BOC: variants seen among roughly 807,000 people sequenced by gnomAD.
BOC encodes BOC cell adhesion associated, oncogene regulated, also known as brother of CDO.
Under a neutral mutation model 112.0 loss-of-function variants are expected in BOC, and 76 were observed. The ratio of observed to expected loss-of-function variants is 0.68; its 90% CI spans 0.56 to 0.82. BOC has a LOEUF of 0.82. Among genes scored for constraint, BOC ranks in the 40% least tolerant of loss-of-function variants. The pLI is 0.00. For synonymous variants in BOC, 580 were observed against 599.8 expected, an observed-to-expected ratio of 0.97 and a Z score of 0.48; for missense variants, 1,309 against 1,511.7, an observed-to-expected ratio of 0.87 and a Z score of 2.22.
Position 113,287,152 on chromosome 3 carries a change from G to A in BOC, c.*290G>A, listed in dbSNP as rs1949765218. The stretch of plus-strand genomic sequence containing the variant: ...CTCCTAACCTGGGGCCTCTGCAGTG[G>A]CAGGCGAGGCTGCAGGAGGCCCACA... On this transcript the variant is annotated 3_prime_UTR_variant, in exon 20 of 20. Transcript: ENST00000682979. 1 of 440,378 alleles carries A rather than the reference G, an allele frequency of 2.3e-6. No individual in the cohort carries two copies. The highest frequency in any genetic ancestry group is 1.7e-5 in the South Asian group (1 of 58,508). The allele number at this position is 440,378 out of a possible 1,614,324, so 27.3% of individuals were successfully genotyped here.
chr3:113,262,980 C>T (rs1947056961), intron 4 of BOC, among the ~76,000 whole-genome samples: 1 of 152,238 alleles, frequency 6.6e-6, no homozygotes, highest in Non-Finnish European at 1.5e-5. Flanking sequence ...GACTTTACTT[C>T]TCCTGCACCT....
At chr3:113,222,300 C>A (rs1172028073) in intron 2 of BOC, among the ~76,000 whole-genome samples, 3 of 151,812 alleles carry the variant, frequency 2.0e-5, no homozygotes, top group Non-Finnish European at 4.4e-5. Context: ...TTCATTTTTG[C>A]TAGTTTGCAG....
In BOC at chr3:113,234,748, GCTC is replaced by G. The variant is rs199900902; in HGVS notation, c.-81-14970_-81-14968del. Among the ~76,000 whole-genome samples the G allele has an allele frequency of 5.7e-3, 866 of 152,282 alleles. 6 individuals are homozygous for G. Among genetic ancestry groups the G allele is most frequent in the African/African-American group, 0.019 (809 of 41,550 alleles). On this transcript the variant is annotated intron_variant, in intron 2 of 19. Transcript: ENST00000682979. ...TTTGGGATTGCCAGCTGTTCTATCT[GCTC>G]CTCTCAGCATGAACACTAAGCAGAG...
rs775233531 is a variant in BOC, at chr3:113,279,335, T to C, written c.1903T>C (p.Phe635Leu). The C allele has an allele frequency of 1.2e-6, 2 of 1,614,002 alleles. No homozygotes were observed. The highest frequency in any genetic ancestry group is 1.7e-6 in the Non-Finnish European group (2 of 1,179,976). ...CTGGATTCCCCGTGGGAATGGTGGG[T>C]TCCCAATCCAGTCCTTCCGTGTGGA... ...VTWIPRGNGGFPIQSFRVEYK... is the reference protein window; with the variant it reads ...VTWIPRGNGGLPIQSFRVEYK... Residue 635 changes from phenylalanine to leucine, a missense_variant, in exon 12 of 20, where the codon TTC becomes CTC. Coordinates refer to ENST00000682979, the MANE Select transcript of BOC (RefSeq NM_001378074.1).
chr3:113,244,053 C>G (rs1398812680), intron 2 of BOC, among the ~76,000 whole-genome samples: 1 of 152,190 alleles, frequency 6.6e-6, no homozygotes. Context: ...AATCTCTTAA[C>G]CGCCATGGCC....
Position 113,224,417 on chromosome 3 carries a change from A to G in BOC, c.-82+8143A>G, listed in dbSNP as rs570997914. ...TGGTGACAGAACCCCCAGGATTCAG[A>G]ACACTCACCAGCCACTCTCAACACA... is the stretch of plus-strand genomic sequence containing the variant. On this transcript the variant is annotated intron_variant, in intron 2 of 19. Coordinates refer to ENST00000682979, the MANE Select transcript of BOC (RefSeq NM_001378074.1). Among the ~76,000 whole-genome samples, 30 of 152,334 alleles carry G rather than the reference A, an allele frequency of 2.0e-4. No homozygotes were observed. In the East Asian group the frequency reaches 3.1e-3, roughly 16 times the overall value.
intron 2 of BOC, among the ~76,000 whole-genome samples, chr3:113,223,019 C>T (rs1160879950): frequency 1.3e-5 from 2 of 152,220 alleles, no homozygotes; most frequent in Non-Finnish European, 2.9e-5. Flanking sequence ...GGGATGTTCA[C>T]CCAGAGGGGG....
rs1948861889 is a variant in BOC at position 113,278,405 on chromosome 3, G to A, written c.1705+148G>A. 2.9e-6 allele frequency: 3 copies of A among 1,038,580 alleles called. No homozygotes were observed. The highest frequency in any genetic ancestry group is 2.4e-5 in the Admixed American group (1 of 41,898). 64.3% of individuals were successfully genotyped at this position (1,038,580 alleles called of 1,614,324 possible). A position where few individuals can be genotyped will look rare whatever the true frequency, so the allele number is the denominator to read the frequency against. Reference sequence around the variant, plus strand: ...CAGCTACTGCCTCCTTGTGGTTTGTGTGCTAGGCTGAGGTCCCAGCTCTCA... The same window carrying A: ...CAGCTACTGCCTCCTTGTGGTTTGTATGCTAGGCTGAGGTCCCAGCTCTCA... On this transcript the variant is annotated intron_variant, in intron 10 of 19. Transcript: ENST00000682979. The surrounding 1 kb of genome is among the most constrained non-coding windows in gnomAD (Gnocchi z 4.2).
At chr3:113,240,935 C>T (rs1009713624) in intron 2 of BOC, among the ~76,000 whole-genome samples, 23 of 152,182 alleles carry the variant, frequency 1.5e-4, no homozygotes, top group African/African-American at 5.1e-4. Context: ...GCGCCTAATG[C>T]CCTTAGCTTG....
At chr3:113,216,967 T>C (rs1939514892) in intron 2 of BOC, among the ~76,000 whole-genome samples, 1 of 152,168 alleles carries the variant, frequency 6.6e-6, no homozygotes, top group Non-Finnish European at 1.5e-5. Flanking sequence ...CAGTGGAAAG[T>C]AGAGCAAAGA....
chr3:113,249,932 C>A (rs369246790), intron 3 of BOC, 33 bp downstream of exon 3: 27 of 1,570,666 alleles, frequency 1.7e-5, no homozygotes, highest in Non-Finnish European at 2.0e-5. Flanking sequence ...CCTGCCCTTA[C>A]AGTCAAATGG....
rs961531783 is a variant in BOC, at chr3:113,258,640, T to C, written c.376+7807T>C. Among the ~76,000 whole-genome samples the C allele has an allele frequency of 2.0e-5, 3 of 152,148 alleles. 1 individual carries two copies. Among genetic ancestry groups the C allele is most frequent in the Non-Finnish European group, 2.9e-5 (2 of 67,992 alleles). ...GATGAAGGGATGGCAGTGAGAAGGGTTGTAGGGAAAGAAAACACAGGTGGC... is the reference window on the plus strand; with the variant it reads ...GATGAAGGGATGGCAGTGAGAAGGGCTGTAGGGAAAGAAAACACAGGTGGC... On this transcript the variant is annotated intron_variant, in intron 4 of 19. Transcript: ENST00000682979.
At chr3:113,221,551 C>A (rs1036707077) in intron 2 of BOC, among the ~76,000 whole-genome samples, 1 of 152,212 alleles carries the variant, frequency 6.6e-6, no homozygotes, top group African/African-American at 2.4e-5. Context: ...TGACTATGTT[C>A]TTTCTCTCAT....
intron 4 of BOC, among the ~76,000 whole-genome samples, chr3:113,267,759 C>T (rs1353486513): frequency 6.6e-6 from 1 of 152,190 alleles, no homozygotes; most frequent in Non-Finnish European, 1.5e-5. Flanking sequence ...CATAGTCTCG[C>T]TCTTTTCGCC....
At chr3:113,271,461 T>C (rs9843707) in intron 6 of BOC, 78,513 of 317,076 alleles carry the variant, frequency 0.25, 10,756 homozygotes, top group African/African-American at 0.4. Context: ...GCTACCTTTC[T>C]GTGCGCTTGC....
At position 113,250,740 on chromosome 3, in the gene BOC, G is replaced by A. The variant is rs769550291; in HGVS notation, c.283G>A (p.Ala95Thr). The change falls in exon 4 of 20, where the codon GCC becomes ACC. Residue 95 changes from alanine to threonine, a missense_variant. Physicochemically the swap from Ala to Thr is moderately conservative, Grantham distance 58 (BLOSUM62 0). Coordinates refer to ENST00000682979, the MANE Select transcript of BOC (RefSeq NM_001378074.1). ...CACCCACGGGACCCTCGTCATCACT[G>A]CCCTTAACAACCACACTGTGGGACG... The part of the protein sequence containing the change: ...LITHGTLVIT[A>T]LNNHTVGRYQ... 15 of 1,614,022 alleles carry A rather than the reference G, an allele frequency of 9.3e-6. No individual in the cohort carries two copies. The highest frequency in any genetic ancestry group is 1.6e-4 in the Middle Eastern group (1 of 6,084).
Position 113,278,664 on chromosome 3 carries a change from T to G in BOC, c.1706-9T>G, listed in dbSNP as rs892946162. The G allele has an allele frequency of 7.1e-6, 11 of 1,555,052 alleles. No individual in the cohort carries two copies. The African/African-American group carries it at 1.1e-4, about 15-fold the overall frequency. ...CCTCCCTTGCTGACTACAACCCATT[T>G]CCACCCAGGACGGCGGCCCAAACCC... On this transcript the variant is annotated splice_polypyrimidine_tract_variant and intron_variant, in intron 10 of 19. Coordinates refer to ENST00000682979, the MANE Select transcript of BOC (RefSeq NM_001378074.1). This position sits in a 1 kb window ranked among gnomAD's most constrained non-coding sequence, Gnocchi z 4.2.
At chr3:113,279,713 T>G (rs1949010172) in intron 12 of BOC, 111 bp from the exon 13 acceptor site, 7 of 1,224,046 alleles carry the variant, frequency 5.7e-6, no homozygotes, top group Non-Finnish European at 8.0e-6. Flanking sequence ...AGAACTTGCT[T>G]TGGGGAAGGG....
intron 4 of BOC, 82 bp from the exon 5 acceptor site, chr3:113,268,217 A>C: frequency 6.4e-7 from 1 of 1,569,514 alleles, no homozygotes; most frequent in Non-Finnish European, 8.6e-7. Context: ...CATGACTGAC[A>C]ACACCAAGGC....
Sources: allele counts gnomAD v4.1 joint callset (sites outside exome capture counted in the v4.1 genomes callset), GRCh38; gene constraint gnomAD v4.1.1; non-coding constraint Gnocchi (gnomAD v3.1); transcripts MANE v1.5; gene names NCBI Gene and HGNC (gene_info 2026-07-23, HGNC 2026-07-21).